OR2T6: variants seen among roughly 807,000 people sequenced by gnomAD.
The protein encoded by OR2T6 is olfactory receptor 2T6.
For synonymous variants in OR2T6, 174 were observed against 148.0 expected, an observed-to-expected ratio of 1.18 and a Z score of -1.27; for missense variants, 424 against 391.6, an observed-to-expected ratio of 1.08 and a Z score of -0.70.
At position 248,388,674 on chromosome 1, in the gene OR2T6, A is replaced by T. The variant is rs1013142514; in HGVS notation, c.*139A>T. On this transcript the variant is annotated 3_prime_UTR_variant, in exon 3 of 3. Transcript: ENST00000641644. ...CAATACCAGCTGTGCTAAATGGTGT[A>T]TCAACAGTACCCCCATCAAAAATGG... 3.4e-6 allele frequency: 2 copies of T among 595,682 alleles called. No homozygotes were observed. 36.9% of individuals were successfully genotyped at this position (595,682 alleles called of 1,614,324 possible).
In OR2T6 at chr1:248,389,290, C is replaced by T. The variant is rs1661209987; in HGVS notation, c.*755C>T. On this transcript the variant is annotated 3_prime_UTR_variant, in exon 3 of 3. Coordinates refer to ENST00000641644, the MANE Select transcript of OR2T6 (RefSeq NM_001005471.2). Reference sequence around the variant, plus strand: ...TTCTGTAATCACTTTACAGCTTCTTCTCCAATTCACTAGCATTTTTAAACT... The same window carrying T: ...TTCTGTAATCACTTTACAGCTTCTTTTCCAATTCACTAGCATTTTTAAACT... 1 of 152,216 alleles carries T rather than the reference C, an allele frequency of 6.6e-6. No homozygotes were observed. Among genetic ancestry groups the T allele is most frequent in the African/African-American group, 2.4e-5 (1 of 41,446 alleles). 9.4% of individuals were successfully genotyped at this position (152,216 alleles called of 1,614,324 possible). A position where few individuals can be genotyped will look rare whatever the true frequency, so the allele number is the denominator to read the frequency against.
In OR2T6 at chr1:248,388,516, G is replaced by T. The variant is rs757906212; in HGVS notation, c.908G>T (p.Arg303Ile). The change falls in exon 3 of 3, where the codon AGA becomes ATA. Residue 303 changes from arginine (R) to isoleucine (I), a missense_variant. Physicochemically the swap from Arg to Ile is moderately conservative, Grantham distance 97 (BLOSUM62 -3). Coordinates refer to ENST00000641644, the MANE Select transcript of OR2T6 (RefSeq NM_001005471.2). ...AGGGATGTGATGGGTGCCTTGAAGA[G>T]AGTTGTGGCAAGATGTTAGGGGACA... is the stretch of plus-strand genomic sequence containing the variant. Reference protein sequence around the residue: ...RNRDVMGALKRVVARC With the variant: ...RNRDVMGALKIVVARC 13 of 1,573,840 alleles carry T rather than the reference G, an allele frequency of 8.3e-6. No homozygotes were observed. The highest frequency in any genetic ancestry group is 1.1e-5 in the Non-Finnish European group (13 of 1,161,682).
chr1:248,385,426 A>G (rs1372479322), intron 2 of OR2T6, among the ~76,000 whole-genome samples: 2 of 152,230 alleles, frequency 1.3e-5, no homozygotes, highest in South Asian at 2.1e-4. Flanking sequence ...ATGTAATGCT[A>G]TTACCTAACA....
chr1:248,382,820 G>A (rs569683355), intron 1 of OR2T6, among the ~76,000 whole-genome samples: 16 of 152,186 alleles, frequency 1.1e-4, no homozygotes, highest in South Asian at 1.0e-3. Context: ...CACCGTGCCC[G>A]GCCCATGTCT....
Position 248,387,793 on chromosome 1 carries a change from T to C in OR2T6, c.185T>C (p.Leu62Pro). 6.2e-7 allele frequency: 1 copy of C among 1,610,902 alleles called. No homozygotes were observed. The highest frequency in any genetic ancestry group is 8.5e-7 in the Non-Finnish European group (1 of 1,177,430). Residue 62 changes from leucine to proline, a missense_variant, in exon 3 of 3, where the codon CTC becomes CCC. Coordinates refer to ENST00000641644, the MANE Select transcript of OR2T6 (RefSeq NM_001005471.2). ...DPHLHTPMYF[L>P]LSHLSVIDTL... The stretch of plus-strand genomic sequence containing the variant: ...CATCTCCACACCCCCATGTACTTCC[T>C]CCTCAGCCACCTCTCCGTCATTGAC...
Position 248,387,690 on chromosome 1 carries a change from T to C in OR2T6, c.82T>C (p.Phe28Leu). The C allele has an allele frequency of 6.2e-7, 1 of 1,613,826 alleles. No homozygotes were observed. Residue 28 changes from phenylalanine to leucine, a missense_variant, in exon 3 of 3, where the codon TTC becomes CTC. Transcript: ENST00000641644. ...TCACAATAAATGCTCAGGATTCTTTTTCGGTGTCATTTGTGCCGTCTTCTT... is the reference window on the plus strand; with the variant it reads ...TCACAATAAATGCTCAGGATTCTTTCTCGGTGTCATTTGTGCCGTCTTCTT... The part of the protein sequence containing the change: ...FTHNKCSGFF[F>L]GVICAVFFMA...
intron 2 of OR2T6, among the ~76,000 whole-genome samples, chr1:248,387,403 T>A (rs1388026318): frequency 6.6e-6 from 1 of 152,060 alleles, no homozygotes; most frequent in Non-Finnish European, 1.5e-5. Flanking sequence ...TCCCATGGGG[T>A]CCTAATGTTG....
chr1:248,382,532 C>CTTTTTTTTT (rs773197375), intron 1 of OR2T6, among the ~76,000 whole-genome samples: 1 of 117,288 alleles, frequency 8.5e-6, no homozygotes, highest in African/African-American at 3.0e-5. Context: ...ACCTTTCTTT[C>CTTTTTTTTT]TTTCTTTTTT....
intron 1 of OR2T6, among the ~76,000 whole-genome samples, chr1:248,379,626 TTATA>T (rs1297054012): frequency 6.6e-6 from 1 of 152,132 alleles, no homozygotes; most frequent in African/African-American, 2.4e-5. Flanking sequence ...TGGGAAATAT[TTATA>T]TATGTGAACT....
intron 1 of OR2T6, among the ~76,000 whole-genome samples, chr1:248,379,542 A>G (rs1018826586): frequency 6.6e-6 from 1 of 152,174 alleles, no homozygotes; most frequent in Non-Finnish European, 1.5e-5. Context: ...ATGGGAAAAG[A>G]GGGAGTTTAT....
intron 1 of OR2T6, among the ~76,000 whole-genome samples, chr1:248,376,568 T>C (rs1372790958): frequency 1.3e-5 from 2 of 152,204 alleles, no homozygotes; most frequent in Non-Finnish European, 2.9e-5. Flanking sequence ...TCAATAACCA[T>C]GGAAACACTT....
chr1:248,389,336 G>T lies in OR2T6; in HGVS notation c.*801G>T, dbSNP rs1661210524. ...AAACTTTTGGGATCCCTGTGCAGAT[G>T]TTAGTGTTGTTGGAGCTATTTCTAC... On this transcript the variant is annotated 3_prime_UTR_variant, in exon 3 of 3. Transcript: ENST00000641644. 1 of 152,188 alleles carries T rather than the reference G, an allele frequency of 6.6e-6. No individual in the cohort carries two copies. The highest frequency in any genetic ancestry group is 1.5e-5 in the Non-Finnish European group (1 of 68,020). The allele number at this position is 152,188 out of a possible 1,614,324, so 9.4% of individuals were successfully genotyped here.
At chr1:248,380,104 CTTATAA>C (rs1329471781) in intron 1 of OR2T6, among the ~76,000 whole-genome samples, 6 of 151,798 alleles carry the variant, frequency 4.0e-5, no homozygotes, top group Admixed American at 1.3e-4. Flanking sequence ...ATTATATCTA[CTTATAA>C]TTATATATGC....
At chr1:248,383,922 A>G (rs78597682) in intron 1 of OR2T6, among the ~76,000 whole-genome samples, 42 of 37,146 alleles carry the variant, frequency 1.1e-3, no homozygotes, top group African/African-American at 2.7e-3. Context: ...GTGTTTCCTA[A>G]TGTTATTGTC....
rs891752016 is a variant in OR2T6 at position 248,389,584 on chromosome 1, T to A, written c.*1049T>A. The A allele has an allele frequency of 3.9e-5, 6 of 152,216 alleles. No individual in the cohort carries two copies. Among genetic ancestry groups the A allele is most frequent in the South Asian group, 4.2e-4 (2 of 4,814 alleles). 9.4% of individuals were successfully genotyped at this position (152,216 alleles called of 1,614,324 possible). On this transcript the variant is annotated 3_prime_UTR_variant, in exon 3 of 3. Coordinates refer to ENST00000641644, the MANE Select transcript of OR2T6 (RefSeq NM_001005471.2). ...TTGTGTCTTTCCACAATGTCAGGAT[T>A]TTATTGATGCTGTTTCAATCACAAA...
rs1184384192 is a variant in OR2T6, at chr1:248,388,501, T to C, written c.893T>C (p.Met298Thr). The C allele has an allele frequency of 4.4e-6, 7 of 1,587,034 alleles. No homozygotes were observed. The highest frequency in any genetic ancestry group is 1.7e-4 in the Middle Eastern group (1 of 5,892). ...TACAGTCTGAGGAACAGGGATGTGATGGGTGCCTTGAAGAGAGTTGTGGCA... is the reference window on the plus strand; with the variant it reads ...TACAGTCTGAGGAACAGGGATGTGACGGGTGCCTTGAAGAGAGTTGTGGCA... Reference protein sequence around the residue: ...LIYSLRNRDVMGALKRVVARC With the variant: ...LIYSLRNRDVTGALKRVVARC The change falls in exon 3 of 3, where the codon ATG becomes ACG. Residue 298 changes from methionine to threonine, a missense_variant. Physicochemically the swap from Met to Thr is moderately conservative, Grantham distance 81. Coordinates refer to ENST00000641644, the MANE Select transcript of OR2T6 (RefSeq NM_001005471.2).
Position 248,389,400 on chromosome 1 carries a change from A to G in OR2T6, c.*865A>G, listed in dbSNP as rs1270594026. 1 of 152,154 alleles carries G rather than the reference A, an allele frequency of 6.6e-6. No individual in the cohort carries two copies. Among genetic ancestry groups the G allele is most frequent in the Non-Finnish European group, 1.5e-5 (1 of 68,032 alleles). 9.4% of individuals were successfully genotyped at this position (152,154 alleles called of 1,614,324 possible). ...TTAAAAAAGTAGTAGACAGCGTCAT[A>G]TTTTTCCTTCTCTATAGCACTGGCT... On this transcript the variant is annotated 3_prime_UTR_variant, in exon 3 of 3. Coordinates refer to ENST00000641644, the MANE Select transcript of OR2T6 (RefSeq NM_001005471.2).
At chr1:248,385,084 T>G (rs1283250725) in intron 2 of OR2T6, among the ~76,000 whole-genome samples, 1 of 152,132 alleles carries the variant, frequency 6.6e-6, no homozygotes, top group East Asian at 1.9e-4. Flanking sequence ...CTCCATAATT[T>G]CTTGGCTAGG....
chr1:248,379,554 T>C (rs1480110141), intron 1 of OR2T6, among the ~76,000 whole-genome samples: 1 of 152,194 alleles, frequency 6.6e-6, no homozygotes, highest in Non-Finnish European at 1.5e-5. Context: ...GGAGTTTATA[T>C]GAACAGGTTT....
Sources: gnomAD v4.1 joint callset for allele counts (sites outside exome capture counted in the v4.1 genomes callset) on GRCh38, gnomAD v4.1.1 for gene constraint, MANE v1.5 for transcripts, NCBI Gene and HGNC (gene_info 2026-07-23, HGNC 2026-07-21) for gene names.